The following OGG1 variants were observed in gnomAD, a reference collection of about 807,000 sequenced individuals.
OGG1 encodes N-glycosylase/DNA lyase.
OGG1 carries 35 observed loss-of-function variants against 42.3 expected under a neutral mutation model. The ratio of observed to expected loss-of-function variants is 0.83; its 90% CI spans 0.63 to 1.10. The LOEUF is 1.10. Among genes scored for constraint, OGG1 ranks in the 50% least tolerant of loss-of-function variants. OGG1 has a pLI of 0.00. For missense variants in OGG1, 484 were observed against 446.7 expected, an observed-to-expected ratio of 1.08 and a Z score of -0.75; for synonymous variants, 189 against 179.0, an observed-to-expected ratio of 1.06 and a Z score of -0.44.
downstream of OGG1, chr3:9,760,400 A>G (rs893162127): frequency 4.8e-5 from 20 of 420,108 alleles, no homozygotes; most frequent in Non-Finnish European, 7.1e-5. Flanking sequence ...TAGGGTGTCA[A>G]TAGGGGAGAG....
intron 3 of OGG1, chr3:9,785,219 C>T: frequency 1.1e-6 from 1 of 919,666 alleles, no homozygotes; most frequent in Non-Finnish European, 1.7e-6. Flanking sequence ...CTAACTGCCC[C>T]CAGCCTCTTA....
downstream of OGG1, chr3:9,762,122 C>A: frequency 5.5e-6 from 1 of 180,656 alleles, no homozygotes; most frequent in Non-Finnish European, 1.2e-5. Context: ...AAACTGATGC[C>A]TTTGGAGGCA....
chr3:9,788,580 C>T (rs533172397), downstream of OGG1, among the ~76,000 whole-genome samples: 1 of 151,558 alleles, frequency 6.6e-6, no homozygotes, highest in Non-Finnish European at 1.5e-5. Context: ...CCTTCTGTCA[C>T]CCAGGCTGGA....
chr3:9,759,359 CT>C, downstream of OGG1: 1 of 1,542,386 alleles, frequency 6.5e-7, no homozygotes, highest in East Asian at 2.2e-5. Flanking sequence ...GAATGAAGTC[CT>C]TCAGTAAGGA....
At chr3:9,769,322 T>C (rs1344089322), downstream of OGG1, among the ~76,000 whole-genome samples, 2 of 152,030 alleles carry the variant, frequency 1.3e-5, no homozygotes, top group African/African-American at 4.8e-5. Context: ...TGGAAGCTCC[T>C]GTATTCCAAA....
In OGG1 at chr3:9,787,422, A is replaced by G. The variant is rs767749338; in HGVS notation, c.383-306A>G. 8 of 1,514,196 alleles carry G rather than the reference A, an allele frequency of 5.3e-6. No homozygotes were observed. The South Asian group carries it at 5.3e-5, about 10-fold the overall frequency. The allele number at this position is 1,514,196 out of a possible 1,614,324, so 93.8% of individuals were successfully genotyped here. ...ATTCATTCATTCACTTACCTATCTT[A>G]TATCTCTCTCAAGTCCCTAGTCCAA... On this transcript the variant is annotated intron_variant, in intron 3 of 3. Transcript: ENST00000426518.
chr3:9,763,861 C>T (rs1003523126), intron 7 of OGG1, among the ~76,000 whole-genome samples: 25 of 152,168 alleles, frequency 1.6e-4, no homozygotes, highest in Admixed American at 8.5e-4. Flanking sequence ...TGGCACATGC[C>T]TGTAATCCCA....
intron 7 of OGG1, among the ~76,000 whole-genome samples, chr3:9,762,668 T>A (rs886311716): frequency 9.6e-5 from 14 of 145,852 alleles, no homozygotes; most frequent in African/African-American, 3.5e-4. Context: ...TCTGGCCAGA[T>A]TTTTTTTTTT....
At chr3:9,757,641 A>G, downstream of OGG1, 1 of 1,614,128 alleles carries the variant, frequency 6.2e-7, no homozygotes, top group Non-Finnish European at 8.5e-7. This position sits in a 1 kb window ranked among gnomAD's most constrained non-coding sequence, Gnocchi z 4.5. Flanking sequence ...AAGACAGAAC[A>G]GAGGTGGCCG....
intron 2 of OGG1, among the ~76,000 whole-genome samples, chr3:9,777,874 C>G (rs2078384773): frequency 6.6e-6 from 1 of 152,154 alleles, no homozygotes; most frequent in Non-Finnish European, 1.5e-5. Flanking sequence ...GGGGGGTCTT[C>G]AAGCAGAGCT....
chr3:9,753,733 C>T (rs1212603923), intron 3 of OGG1, among the ~76,000 whole-genome samples: 2 of 152,142 alleles, frequency 1.3e-5, no homozygotes, highest in Non-Finnish European at 2.9e-5. Context: ...AGTCATTCAC[C>T]TCTTCCGGCT....
At chr3:9,778,641 C>G (rs1010748815) in intron 2 of OGG1, among the ~76,000 whole-genome samples, 3 of 152,164 alleles carry the variant, frequency 2.0e-5, no homozygotes, top group Non-Finnish European at 2.9e-5. Context: ...AGTTTATAGT[C>G]TATGGCTTAT....
chr3:9,751,622 G>A (rs188827716), intron 2 of OGG1, 148 bp from the exon 3 acceptor site: 5 of 789,542 alleles, frequency 6.3e-6, no homozygotes, highest in Non-Finnish European at 1.1e-5. Flanking sequence ...AGGAATGAGA[G>A]GTCTGGTGTT....
At chr3:9,763,344 G>T in intron 7 of OGG1, 4 of 980,254 alleles carry the variant, frequency 4.1e-6, no homozygotes, top group Non-Finnish European at 5.9e-6. Context: ...AGTCTGTTAT[G>T]ATTGCACCTG....
At chr3:9,764,553 C>T (rs1373746921) in intron 7 of OGG1, among the ~76,000 whole-genome samples, 1 of 149,494 alleles carries the variant, frequency 6.7e-6, no homozygotes, top group Non-Finnish European at 1.5e-5. Context: ...CTCAGGTGAT[C>T]TGCCCACTTC....
At chr3:9,790,667 G>T (rs186146137), downstream of OGG1, among the ~76,000 whole-genome samples, 1 of 152,316 alleles carries the variant, frequency 6.6e-6, no homozygotes, top group East Asian at 1.9e-4. Flanking sequence ...AACATCTGAA[G>T]TACTTACTTA....
At position 9,750,099 on chromosome 3, in the gene OGG1, T is replaced by C; in HGVS notation, c.-188T>C. On this transcript the variant is annotated 5_prime_UTR_variant, in exon 1 of 7. Coordinates refer to ENST00000344629, the MANE Select transcript of OGG1 (RefSeq NM_002542.6). The stretch of plus-strand genomic sequence containing the variant: ...GAGAATTGGGGCACGAAGCGGGGCT[T>C]TGATGACCCGCAAAGGGCGAGGCAT... 1 of 740,398 alleles carries C rather than the reference T, an allele frequency of 1.4e-6. No individual in the cohort carries two copies. Among genetic ancestry groups the C allele is most frequent in the Middle Eastern group, 4.0e-4 (1 of 2,526 alleles). The allele number at this position is 740,398 out of a possible 1,614,324, so 45.9% of individuals were successfully genotyped here.
downstream of OGG1, among the ~76,000 whole-genome samples, chr3:9,788,844 T>TA (rs2078676277): frequency 6.6e-6 from 1 of 151,660 alleles, no homozygotes; most frequent in Admixed American, 6.6e-5. Flanking sequence ...ATATCTTTTT[T>TA]TTTTTTTTGG....
At chr3:9,774,959 ATTTT>A (rs201509950) in intron 2 of OGG1, among the ~76,000 whole-genome samples, 1 of 142,864 alleles carries the variant, frequency 7.0e-6, no homozygotes, top group Non-Finnish European at 1.5e-5. Context: ...TGTTTGAGTA[ATTTT>A]TTTTTTTTTT....
Sources: allele counts gnomAD v4.1 joint callset (sites outside exome capture counted in the v4.1 genomes callset), GRCh38; gene constraint gnomAD v4.1.1; non-coding constraint Gnocchi (gnomAD v3.1); transcripts MANE v1.5; gene names NCBI Gene and HGNC (gene_info 2026-07-23, HGNC 2026-07-21).